TET3: variants seen among roughly 807,000 people sequenced by gnomAD.
TET3 encodes methylcytosine dioxygenase TET3.
A neutral mutation model predicts 141.4 loss-of-function variants in TET3; 19 were observed. The ratio of observed to expected loss-of-function variants is 0.13; its 90% confidence interval spans 0.09 to 0.20. TET3 has a LOEUF of 0.20. TET3 is among the 10% of genes least tolerant of loss of function. The pLI, the probability that TET3 is intolerant of heterozygous loss-of-function variation, is 1.00. For synonymous variants in TET3, 1,043 were observed against 980.9 expected, an observed-to-expected ratio of 1.06 and a Z score of -1.18; for missense variants, 1,874 against 2,356.9, an observed-to-expected ratio of 0.80 and a Z score of 4.24.
In TET3 at chr2:74,093,108, C is replaced by T; in HGVS notation, c.3129+117C>T. 1.0e-6 allele frequency: 1 copy of T among 958,276 alleles called. No homozygotes were observed. The highest frequency in any genetic ancestry group is 2.6e-5 in the East Asian group (1 of 37,868). The allele number at this position is 958,276 out of a possible 1,614,324, so 59.4% of individuals were successfully genotyped here. A position where few individuals can be genotyped will look rare whatever the true frequency, so the allele number is the denominator to read the frequency against. On this transcript the variant is annotated intron_variant, in intron 9 of 11. Transcript: ENST00000409262. This position sits in a 1 kb window ranked among gnomAD's most constrained non-coding sequence, Gnocchi z 4.2. ...TACTCTCTTATGGGAAGAGCCTAGTCCAGAAGTAAAGCGATATGATGTGGT... is the reference window on the plus strand; with the variant it reads ...TACTCTCTTATGGGAAGAGCCTAGTTCAGAAGTAAAGCGATATGATGTGGT...
chr2:74,006,833 C>T (rs1306871602), intron 3 of TET3, among the ~76,000 whole-genome samples: 1 of 152,150 alleles, frequency 6.6e-6, no homozygotes, highest in Non-Finnish European at 1.5e-5. Flanking sequence ...CTGAGGACTC[C>T]CCCTTGTTCT....
At chr2:74,128,027 A>G in the TET3 span, among the ~76,000 whole-genome samples, 1 of 152,370 alleles carries the variant, frequency 6.6e-6, no homozygotes, top group Middle Eastern at 3.4e-3. Context: ...ATAAAGTTTT[A>G]GAGATATATT....
chr2:74,086,352 G>C (rs1342847009), intron 6 of TET3, among the ~76,000 whole-genome samples: 1 of 151,738 alleles, frequency 6.6e-6, no homozygotes, highest in Non-Finnish European at 1.5e-5. Context: ...CTGAGCAGCA[G>C]AGCAGTGGAT....
chr2:74,101,830 C>T lies in TET3; in HGVS notation c.5042C>T (p.Pro1681Leu). Reference protein sequence around the residue: ...ELHATTPLKKPNRCHPTRISL... With the variant: ...ELHATTPLKKLNRCHPTRISL... ...CACGCCACCACGCCGCTTAAGAAGC[C>T]CAACCGCTGCCACCCCACCCGCATC... Residue 1681 changes from proline to leucine, a missense_variant, in exon 12 of 12, where the codon CCC becomes CTC. Pro to Leu is a moderately conservative substitution (Grantham distance 98). Around this residue, in one of 10 missense-constraint regions of TET3, gnomAD observed 41 missense variants for 116.8 expected, o/e 0.35. Coordinates refer to ENST00000409262, the MANE Select transcript of TET3 (RefSeq NM_001287491.2). This position sits in a 1 kb window ranked among gnomAD's most constrained non-coding sequence, Gnocchi z 8.5. 6.2e-7 allele frequency: 1 copy of T among 1,613,000 alleles called. No homozygotes were observed. The highest frequency in any genetic ancestry group is 8.5e-7 in the Non-Finnish European group (1 of 1,179,794).
chr2:74,125,607 C>A, the TET3 span, among the ~76,000 whole-genome samples: 1 of 139,474 alleles, frequency 7.2e-6, no homozygotes, highest in Admixed American at 7.3e-5. Context: ...TCTAACCATC[C>A]TTTGTGAATA....
At chr2:73,995,447 A>G (rs552564879) in intron 2 of TET3, among the ~76,000 whole-genome samples, 12 of 152,330 alleles carry the variant, frequency 7.9e-5, no homozygotes, top group African/African-American at 2.6e-4. Context: ...GTGTTTTCTC[A>G]GGGGAGAGGA....
At chr2:74,073,736 A>G in intron 5 of TET3, 97 bp downstream of exon 5, 3 of 982,350 alleles carry the variant, frequency 3.1e-6, no homozygotes, top group Non-Finnish European at 4.4e-6. Flanking sequence ...GTAACAGACA[A>G]TATACAGAAA....
the TET3 span, chr2:74,121,742 C>A: frequency 6.6e-6 from 1 of 152,382 alleles, no homozygotes; most frequent in East Asian, 1.9e-4. Context: ...CACCAGTAAT[C>A]ATCCCAGCAT....
intron 5 of TET3, among the ~76,000 whole-genome samples, chr2:74,077,567 T>C (rs767237596): frequency 6.6e-6 from 1 of 152,236 alleles, no homozygotes; most frequent in Non-Finnish European, 1.5e-5. Flanking sequence ...AAGAAAGAGC[T>C]AAAATGAGAG....
At chr2:74,055,919 G>A (rs1447753159) in intron 4 of TET3, among the ~76,000 whole-genome samples, 3 of 152,160 alleles carry the variant, frequency 2.0e-5, no homozygotes, top group Non-Finnish European at 2.9e-5. Flanking sequence ...AACACGAAGG[G>A]CCTCAACAGG....
At chr2:74,065,685 TTTC>T (rs961733449) in intron 4 of TET3, among the ~76,000 whole-genome samples, 26 of 151,504 alleles carry the variant, frequency 1.7e-4, no homozygotes, top group Admixed American at 1.4e-3. Flanking sequence ...TTCCCTTTCT[TTTC>T]TTCTTTCTTT....
At chr2:74,000,111 G>T (rs538909711) in intron 2 of TET3, among the ~76,000 whole-genome samples, 1 of 152,244 alleles carries the variant, frequency 6.6e-6, no homozygotes, top group South Asian at 2.1e-4. Flanking sequence ...ATAGGTGCTG[G>T]TTGAGCAAGT....
At chr2:73,990,477 A>T (rs1187080841) in intron 2 of TET3, among the ~76,000 whole-genome samples, 1 of 152,146 alleles carries the variant, frequency 6.6e-6, no homozygotes, top group East Asian at 1.9e-4. Flanking sequence ...GTGCTGGGGG[A>T]GGAGGCTAGA....
the TET3 span, among the ~76,000 whole-genome samples, chr2:74,128,398 C>CT: frequency 6.6e-6 from 1 of 152,128 alleles, no homozygotes; most frequent in Non-Finnish European, 1.5e-5. Flanking sequence ...ATCGGAGAAA[C>CT]TGCCACCGCC....
Position 74,101,725 on chromosome 2 carries a change from T to A in TET3, c.4937T>A (p.Phe1646Tyr). Residue 1646 changes from phenylalanine (F) to tyrosine (Y), a missense_variant, in exon 12 of 12, where the codon TTC (phenylalanine) becomes TAC (tyrosine). Coordinates refer to ENST00000409262, the MANE Select transcript of TET3 (RefSeq NM_001287491.2). The surrounding 1 kb of genome is among the most constrained non-coding windows in gnomAD (Gnocchi z 8.5). ...CTGTGGTCGGACAGTGAACACAACT[T>A]CCTGGACGAGAACATCGGCGGCGTG... ...EELWSDSEHN[F>Y]LDENIGGVAV... 6.2e-7 allele frequency: 1 copy of A among 1,613,378 alleles called. No homozygotes were observed. The highest frequency in any genetic ancestry group is 1.1e-5 in the South Asian group (1 of 91,078).
chr2:74,088,524 C>A (rs1690283274), intron 7 of TET3, among the ~76,000 whole-genome samples: 1 of 152,014 alleles, frequency 6.6e-6, no homozygotes, highest in Admixed American at 6.6e-5. Flanking sequence ...ACCTGTAGTC[C>A]CAGCTACTCG....
chr2:74,020,941 C>A (rs371768279), intron 3 of TET3, among the ~76,000 whole-genome samples: 8 of 152,214 alleles, frequency 5.3e-5, no homozygotes, highest in African/African-American at 1.2e-4. Flanking sequence ...TCACCCTCCC[C>A]TTCCCACTCA....
In TET3 at chr2:74,102,611, G is replaced by A. The variant is rs753709521; in HGVS notation, c.*435G>A. The A allele has an allele frequency of 5.5e-4, 84 of 152,356 alleles. No individual in the cohort carries two copies. The highest frequency in any genetic ancestry group is 5.6e-4 in the Non-Finnish European group (38 of 68,156). The allele number at this position is 152,356 out of a possible 1,614,324, so 9.4% of individuals were successfully genotyped here. ...TGTATTTATTGGATTTTTTAAAAGC[G>A]ACAATAGTAATGGTAAAGGATGGGC... On this transcript the variant is annotated 3_prime_UTR_variant, in exon 12 of 12. Transcript: ENST00000409262.
the TET3 span, among the ~76,000 whole-genome samples, chr2:74,133,625 C>T: frequency 6.6e-6 from 1 of 152,218 alleles, no homozygotes; most frequent in African/African-American, 2.4e-5. Flanking sequence ...GCTTGTGTGT[C>T]CTCACAACAT....
Sources: allele counts gnomAD v4.1 joint callset (sites outside exome capture counted in the v4.1 genomes callset), GRCh38; gene constraint gnomAD v4.1.1; regional missense constraint gnomAD v4.1.1; non-coding constraint Gnocchi (gnomAD v3.1); transcripts MANE v1.5; gene names NCBI Gene and HGNC (gene_info 2026-07-23, HGNC 2026-07-21).